CMKLR2: variants seen among roughly 807,000 people sequenced by gnomAD.
CMKLR2 encodes the protein chemerin chemokine-like receptor 2.
CMKLR2 carries 18 observed loss-of-function variants against 23.0 expected under a neutral mutation model. The observed-to-expected ratio is 0.78, with a 90% confidence interval of 0.54 to 1.16. The LOEUF is 1.16. Ranked by LOEUF, CMKLR2 falls within the 50% of genes most tolerant of loss-of-function variation. The probability of loss-of-function intolerance (pLI) is 0.00; values close to 1 mark genes in which losing one functional copy is unlikely to be tolerated. For missense variants in CMKLR2, 401 were observed against 412.7 expected, an observed-to-expected ratio of 0.97 and a Z score of 0.25; for synonymous variants, 158 against 158.9, an observed-to-expected ratio of 0.99 and a Z score of 0.05.
Position 206,177,183 on chromosome 2 carries a change from T to C in CMKLR2, c.65A>G (p.Tyr22Cys). Residue 22 changes from tyrosine to cysteine, a missense_variant, in exon 2 of 2, where the codon TAC becomes TGC. Coordinates refer to ENST00000621141, the MANE Select transcript of CMKLR2 (RefSeq NM_001389445.1). ...FENYSYDLDY[Y>C]SLESDLEEKV... ...CTCCTCCAAATCAGACTCCAGAGAG[T>C]AATAGTCTAGGTCATAGGAATAGTT... is the stretch of plus-strand genomic sequence containing the variant. 1 of 1,613,770 alleles carries C rather than the reference T, an allele frequency of 6.2e-7. No individual in the cohort carries two copies. The highest frequency in any genetic ancestry group is 1.1e-5 in the South Asian group (1 of 91,076).
At chr2:206,203,745 T>C (rs1299096214) in intron 1 of CMKLR2, 1 of 152,264 alleles carries the variant, frequency 6.6e-6, no homozygotes, top group Non-Finnish European at 1.5e-5. Flanking sequence ...GGGGCGGTCG[T>C]GGGAAGCCTC....
intron 1 of CMKLR2, among the ~76,000 whole-genome samples, chr2:206,209,939 C>T (rs1471470726): frequency 1.3e-4 from 19 of 149,940 alleles, no homozygotes; most frequent in Non-Finnish European, 2.2e-4. Flanking sequence ...TGAGCCACTG[C>T]GCCCGGCCCT....
At chr2:206,193,020 T>G (rs1688802085) in intron 1 of CMKLR2, among the ~76,000 whole-genome samples, 1 of 152,238 alleles carries the variant, frequency 6.6e-6, no homozygotes, top group Non-Finnish European at 1.5e-5. Context: ...AGCCTGGGCA[T>G]GTTTAGTACA....
intron 1 of CMKLR2, among the ~76,000 whole-genome samples, chr2:206,190,109 G>T (rs1446042394): frequency 1.3e-5 from 2 of 151,994 alleles, no homozygotes; most frequent in African/African-American, 4.8e-5. Flanking sequence ...TCCAACCCCT[G>T]GCATAGCTTA....
chr2:206,208,056 A>G (rs1451634600), intron 1 of CMKLR2, among the ~76,000 whole-genome samples: 1 of 151,900 alleles, frequency 6.6e-6, no homozygotes, highest in Non-Finnish European at 1.5e-5. Context: ...TTCCTTCTTA[A>G]TACCTGCACA....
In CMKLR2 at chr2:206,176,026, T is replaced by C. The variant is rs1176273211; in HGVS notation, c.*154A>G. On this transcript the variant is annotated 3_prime_UTR_variant, in exon 2 of 2. Transcript: ENST00000621141. ...TCAAGAGGATCCTTCCTAAGTTTCA[T>C]ATCCACACAAAAATGTGATGCCTAT... 2 of 513,670 alleles carry C rather than the reference T, an allele frequency of 3.9e-6. No homozygotes were observed. The highest frequency in any genetic ancestry group is 1.9e-5 in the African/African-American group (1 of 51,636). 31.8% of individuals were successfully genotyped at this position (513,670 alleles called of 1,614,324 possible). A position where few individuals can be genotyped will look rare whatever the true frequency, so the allele number is the denominator to read the frequency against.
intron 1 of CMKLR2, among the ~76,000 whole-genome samples, chr2:206,200,639 A>G (rs1057214671): frequency 1.3e-5 from 2 of 152,142 alleles, no homozygotes; most frequent in South Asian, 4.1e-4. Context: ...CTTTTTATTT[A>G]TTTTTATAGA....
upstream of CMKLR2, among the ~76,000 whole-genome samples, chr2:206,217,165 C>G (rs1574337507): frequency 6.6e-6 from 1 of 152,122 alleles, no homozygotes. Flanking sequence ...TACAAAGAAG[C>G]TGATTTATGA....
intron 1 of CMKLR2, among the ~76,000 whole-genome samples, chr2:206,183,778 T>G (rs1256881111): frequency 3.3e-5 from 5 of 152,190 alleles, no homozygotes; most frequent in Admixed American, 1.3e-4. Flanking sequence ...ACTGAGTCCT[T>G]GAGTAGACAC....
upstream of CMKLR2, chr2:206,217,616 G>A (rs958821496): frequency 1.3e-5 from 2 of 152,194 alleles, no homozygotes; most frequent in African/African-American, 4.8e-5. Flanking sequence ...CTAATTACCT[G>A]TAGAAATGTG....
At chr2:206,180,418 TA>T (rs1270337198) in intron 1 of CMKLR2, among the ~76,000 whole-genome samples, 3 of 151,658 alleles carry the variant, frequency 2.0e-5, no homozygotes, top group Non-Finnish European at 4.4e-5. Context: ...CCACACACAG[TA>T]AAAAAAATTT....
At chr2:206,199,524 A>G (rs894181876) in intron 1 of CMKLR2, among the ~76,000 whole-genome samples, 1 of 152,176 alleles carries the variant, frequency 6.6e-6, no homozygotes, top group African/African-American at 2.4e-5. Context: ...GGTAAAATAC[A>G]TGACCTTCAA....
chr2:206,190,104 C>T (rs1209663159), intron 1 of CMKLR2, among the ~76,000 whole-genome samples: 2 of 152,072 alleles, frequency 1.3e-5, no homozygotes, highest in Non-Finnish European at 2.9e-5. Flanking sequence ...CACACTCCAA[C>T]CCCTGGCATA....
intron 1 of CMKLR2, among the ~76,000 whole-genome samples, chr2:206,184,150 T>C (rs1688500128): frequency 6.6e-6 from 1 of 152,192 alleles, no homozygotes; most frequent in Non-Finnish European, 1.5e-5. Flanking sequence ...GATCTCTGCC[T>C]ACATCTTCAC....
upstream of CMKLR2, among the ~76,000 whole-genome samples, chr2:206,215,383 G>A (rs1689722710): frequency 6.6e-6 from 1 of 152,182 alleles, no homozygotes; most frequent in African/African-American, 2.4e-5. Flanking sequence ...GAGAATCTCA[G>A]GAAGTTTTGG....
chr2:206,188,544 C>T lies in CMKLR2; in HGVS notation c.-28-11269G>A, dbSNP rs367753334. 1.5e-4 allele frequency among the ~76,000 whole-genome samples: 23 copies of T among 152,262 alleles called. No homozygotes were observed. In the South Asian group the frequency reaches 4.8e-3, roughly 32 times the overall value. ...CTTAACCTCCAAGCTGTATTGTGAA[C>T]AGGGATATATGTAGGGCCACCCAAG... is the stretch of plus-strand genomic sequence containing the variant. On this transcript the variant is annotated intron_variant, in intron 1 of 1. Coordinates refer to ENST00000621141, the MANE Select transcript of CMKLR2 (RefSeq NM_001389445.1).
Position 206,206,791 on chromosome 2 carries a change from C to T in CMKLR2, c.-29+6516G>A, listed in dbSNP as rs76494680. On this transcript the variant is annotated intron_variant, in intron 1 of 1. Coordinates refer to ENST00000621141, the MANE Select transcript of CMKLR2 (RefSeq NM_001389445.1). The stretch of plus-strand genomic sequence containing the variant: ...ACTATTCAGTAGGTTTTGATAAAGG[C>T]ATTCACGTGCCCGGGCATCTTGGAA... Among the ~76,000 whole-genome samples, 808 of 152,238 alleles carry T rather than the reference C, an allele frequency of 5.3e-3. 8 individuals carry two copies. Among genetic ancestry groups the T allele is most frequent in the African/African-American group, 0.019 (772 of 41,530 alleles).
chr2:206,209,352 A>AAG (rs1196717167), intron 1 of CMKLR2, among the ~76,000 whole-genome samples: 1 of 151,746 alleles, frequency 6.6e-6, no homozygotes, highest in Non-Finnish European at 1.5e-5. Flanking sequence ...AAAAAAAAAA[A>AAG]GCACTTTTTT....
At chr2:206,194,711 C>T (rs1447708394) in intron 1 of CMKLR2, among the ~76,000 whole-genome samples, 1 of 143,874 alleles carries the variant, frequency 7.0e-6, no homozygotes, top group Non-Finnish European at 1.5e-5. Context: ...GTTGGGATTA[C>T]AGGCATGAGC....
Sources: gnomAD v4.1 joint callset for allele counts (sites outside exome capture counted in the v4.1 genomes callset) on GRCh38, gnomAD v4.1.1 for gene constraint, MANE v1.5 for transcripts, NCBI Gene and HGNC (gene_info 2026-07-23, HGNC 2026-07-21) for gene names.